The following STMP1 variants were observed in gnomAD, a reference collection of about 807,000 sequenced individuals.
The protein encoded by STMP1 is mitolamban.
STMP1 carries 7 observed loss-of-function variants against 7.0 expected under a neutral mutation model. The observed-to-expected ratio is 1.01, with a 90% CI of 0.57 to 1.89. The LOEUF is 1.89. Ranked by LOEUF, STMP1 falls within the 40% of genes most tolerant of loss-of-function variation. STMP1 has a pLI of 0.00. For synonymous variants in STMP1, 19 were observed against 18.4 expected (o/e 1.03, Z -0.08); for missense variants, 45 against 53.0 (o/e 0.85, Z 0.47).
chr7:135,670,276 G>T (rs1795343843), intron 1 of STMP1, among the ~76,000 whole-genome samples: 1 of 152,124 alleles, frequency 6.6e-6, no homozygotes, highest in Non-Finnish European at 1.5e-5. Context: ...TCTCTACAGG[G>T]AATACTAAGG....
At chr7:135,665,360 C>G (rs771669091) in intron 1 of STMP1, among the ~76,000 whole-genome samples, 13 of 152,212 alleles carry the variant, frequency 8.5e-5, no homozygotes, top group Non-Finnish European at 1.9e-4. Context: ...TATTCCTCCT[C>G]AGATTAAAAT....
intron 1 of STMP1, among the ~76,000 whole-genome samples, chr7:135,665,085 C>G (rs1436091219): frequency 6.6e-6 from 1 of 152,156 alleles, no homozygotes; most frequent in African/African-American, 2.4e-5. Context: ...GAGCACTCAA[C>G]AAGGATTCAG....
chr7:135,674,142 A>G lies in STMP1; in HGVS notation c.121A>G (p.Lys41Glu). The change falls in exon 3 of 3, where the codon AAG becomes GAG. Residue 41 changes from lysine (K) to glutamate (E), a missense_variant. Coordinates refer to ENST00000507606, the MANE Select transcript of STMP1 (RefSeq NM_001130929.2). ...LEEIKKDLDA[K>E]KKPPSA ...AGAAATTAAAAAGGACTTGGATGCC[A>G]AGAAGAAACCCCCTAGTGCATGAGA... The G allele has an allele frequency of 6.4e-7, 1 of 1,550,910 alleles. No homozygotes were observed. Among genetic ancestry groups the G allele is most frequent in the Non-Finnish European group, 8.7e-7 (1 of 1,146,834 alleles).
chr7:135,672,896 T>C, intron 2 of STMP1, 90 bp downstream of exon 2: 1 of 1,075,284 alleles, frequency 9.3e-7, no homozygotes, highest in Non-Finnish European at 1.4e-6. Context: ...ACTTCCAGCA[T>C]AAATGTAGTC....
At chr7:135,672,667 A>G in intron 1 of STMP1, 86 bp from the exon 2 acceptor site, 1 of 980,436 alleles carries the variant, frequency 1.0e-6, no homozygotes, top group Non-Finnish European at 1.6e-6. Flanking sequence ...GCTTCTTAGG[A>G]AGATATTGTC....
Position 135,674,153 on chromosome 7 carries a change from C to G in STMP1, c.132C>G (p.Pro44=). The part of the protein sequence containing the change: ...IKKDLDAKKK[P]PSA ...AGGACTTGGATGCCAAGAAGAAACC[C>G]CCTAGTGCATGAGACTGCCTCCAGC... The change falls in exon 3 of 3, where the codon CCC becomes CCG. Residue 44 remains proline (P), a synonymous_variant. Transcript: ENST00000507606. The G allele has an allele frequency of 6.5e-7, 1 of 1,550,254 alleles. No homozygotes were observed. The highest frequency in any genetic ancestry group is 1.2e-5 in the South Asian group (1 of 83,872).
intron 1 of STMP1, among the ~76,000 whole-genome samples, chr7:135,668,843 G>C (rs111920898): frequency 0.019 from 2,820 of 152,166 alleles, 83 homozygotes; most frequent in African/African-American, 0.061. Context: ...TTCCCATCTC[G>C]TGCCTTGATT....
At position 135,674,131 on chromosome 7, in the gene STMP1, A is replaced by G. The variant is rs1584707548; in HGVS notation, c.110A>G (p.Asp37Gly). Reference sequence around the variant, plus strand: ...AAAAAACTTGAAGAAATTAAAAAGGACTTGGATGCCAAGAAGAAACCCCCT... The same window carrying G: ...AAAAAACTTGAAGAAATTAAAAAGGGCTTGGATGCCAAGAAGAAACCCCCT... ...LAKKLEEIKK[D>G]LDAKKKPPSA is the part of the protein sequence containing the mutation. Residue 37 changes from aspartate (D) to glycine (G), a missense_variant, in exon 3 of 3, where the codon GAC (aspartate) becomes GGC (glycine). Asp to Gly is a moderately conservative substitution (Grantham distance 94). Transcript: ENST00000507606. The G allele has an allele frequency of 1.9e-6, 3 of 1,551,148 alleles. No individual in the cohort carries two copies. The South Asian group carries it at 3.6e-5, about 18-fold the overall frequency.
In STMP1 at chr7:135,670,315, G is replaced by A. The variant is rs149958718; in HGVS notation, c.16-2438G>A. Among the ~76,000 whole-genome samples the A allele has an allele frequency of 3.3e-3, 496 of 152,266 alleles. 3 individuals are homozygous for A. The highest frequency in any genetic ancestry group is 0.011 in the African/African-American group (469 of 41,550). On this transcript the variant is annotated intron_variant, in intron 1 of 2. Transcript: ENST00000507606. ...GACCATGTGATATGGGGGAAGCAGG[G>A]CATTGTGATGGCATTCAGCTGACAG...
chr7:135,673,971 A>G, intron 2 of STMP1, 120 bp from the exon 3 acceptor site: 2 of 677,566 alleles, frequency 3.0e-6, no homozygotes, highest in Non-Finnish European at 2.5e-6. Flanking sequence ...ACCACTATTT[A>G]GCAGATCTCT....
At chr7:135,662,664 G>C in intron 1 of STMP1, 70 bp downstream of exon 1, 12 of 1,511,468 alleles carry the variant, frequency 7.9e-6, no homozygotes, top group Non-Finnish European at 1.1e-5. Flanking sequence ...CCCCCTTGAG[G>C]ATTGCCGACC....
At chr7:135,665,906 CTT>C (rs756029962) in intron 1 of STMP1, among the ~76,000 whole-genome samples, 9 of 142,530 alleles carry the variant, frequency 6.3e-5, no homozygotes, top group Admixed American at 1.4e-4. Context: ...TAATCTGTTG[CTT>C]TTTTTTTTTT....
In STMP1 at chr7:135,674,364, C is replaced by T. The variant is rs1252784494; in HGVS notation, c.*199C>T. ...TACCCGACATTTCCAACATACTCACCTCTTCCCATAATCCCTTTCCAACTG... is the reference window on the plus strand; with the variant it reads ...TACCCGACATTTCCAACATACTCACTTCTTCCCATAATCCCTTTCCAACTG... On this transcript the variant is annotated 3_prime_UTR_variant, in exon 3 of 3. Transcript: ENST00000507606. 3.8e-6 allele frequency: 2 copies of T among 523,566 alleles called. No homozygotes were observed. Among genetic ancestry groups the T allele is most frequent in the African/African-American group, 3.8e-5 (2 of 52,034 alleles). The allele number at this position is 523,566 out of a possible 1,614,324, so 32.4% of individuals were successfully genotyped here.
intron 1 of STMP1, among the ~76,000 whole-genome samples, chr7:135,666,342 TA>T (rs1164351885): frequency 6.6e-6 from 1 of 151,568 alleles, no homozygotes; most frequent in Non-Finnish European, 1.5e-5. Context: ...TTTACACTAT[TA>T]TGTCTTTGTT....
intron 1 of STMP1, among the ~76,000 whole-genome samples, chr7:135,663,171 A>G (rs1449278784): frequency 1.3e-5 from 2 of 152,340 alleles, no homozygotes; most frequent in East Asian, 1.9e-4. Flanking sequence ...GAGTAAGCAG[A>G]CTATTTCTCT....
rs1795388852 is a variant in STMP1, at chr7:135,674,395, GAGGTTCTA to G, written c.*233_*240del. On this transcript the variant is annotated 3_prime_UTR_variant, in exon 3 of 3. Transcript: ENST00000507606. Reference sequence around the variant, plus strand: ...CCATAATCCCTTTCCAACTGCATGGGAGGTTCTAAGACTGGAATTATGGTGCTAGATTA... The same window carrying G: ...CCATAATCCCTTTCCAACTGCATGGGAGACTGGAATTATGGTGCTAGATTA... The G allele has an allele frequency of 2.2e-6, 1 of 460,938 alleles. No individual in the cohort carries two copies. Among genetic ancestry groups the G allele is most frequent in the African/African-American group, 2.0e-5 (1 of 50,398 alleles). The allele number at this position is 460,938 out of a possible 1,614,324, so 28.6% of individuals were successfully genotyped here.
At chr7:135,666,498 G>A (rs1795293307) in intron 1 of STMP1, among the ~76,000 whole-genome samples, 1 of 151,984 alleles carries the variant, frequency 6.6e-6, no homozygotes, top group Non-Finnish European at 1.5e-5. Context: ...ACAGACGTGT[G>A]CCACCATCCC....
chr7:135,668,233 T>A (rs1202141614), intron 1 of STMP1, among the ~76,000 whole-genome samples: 1 of 152,194 alleles, frequency 6.6e-6, no homozygotes, highest in Admixed American at 6.5e-5. Flanking sequence ...TTTTCTCTAA[T>A]GGGTACTTGG....
At chr7:135,670,822 T>A (rs1368841780) in intron 1 of STMP1, among the ~76,000 whole-genome samples, 3 of 152,214 alleles carry the variant, frequency 2.0e-5, no homozygotes, top group Non-Finnish European at 2.9e-5. Flanking sequence ...AATCTTAGCA[T>A]GTTGGAGCTG....
Sources: gnomAD v4.1 joint callset for allele counts (sites outside exome capture counted in the v4.1 genomes callset) on GRCh38, gnomAD v4.1.1 for gene constraint, MANE v1.5 for transcripts, NCBI Gene and HGNC (gene_info 2026-07-23, HGNC 2026-07-21) for gene names.